Variants in DCC observed in about 807,000 individuals in gnomAD.
DCC encodes netrin receptor DCC.
DCC carries 58 observed loss-of-function variants against 172.5 expected under a neutral mutation model. That is an observed-to-expected ratio of 0.34 (90% confidence interval 0.27 to 0.42). The LOEUF is 0.42. Among genes scored for constraint, DCC ranks in the 10% least tolerant of loss-of-function variants. DCC has a pLI of 1.00. For missense variants in DCC, 1,740 were observed against 1,791.0 expected, an observed-to-expected ratio of 0.97 and a Z score of 0.51; for synonymous variants, 709 against 644.5, an observed-to-expected ratio of 1.10 and a Z score of -1.52.
chr18:53,221,167 A>G (rs528651308), intron 12 of DCC, among the ~76,000 whole-genome samples: 80 of 152,066 alleles, frequency 5.3e-4, no homozygotes, highest in Middle Eastern at 6.8e-3. Context: ...ATTTAATTTA[A>G]TTTTTTAAAT....
chr18:53,495,619 C>T (rs375206050), intron 26 of DCC, among the ~76,000 whole-genome samples: 47 of 152,056 alleles, frequency 3.1e-4, no homozygotes, highest in African/African-American at 1.1e-3. Flanking sequence ...TAGCTGTTCT[C>T]GAGGAGTATC....
intron 7 of DCC, among the ~76,000 whole-genome samples, chr18:53,097,680 C>G (rs2043106499): frequency 6.6e-6 from 1 of 152,090 alleles, no homozygotes; most frequent in South Asian, 2.1e-4. Context: ...CTTATTTGCT[C>G]ACAGTTCTGG....
chr18:53,211,134 C>T (rs553401252), intron 11 of DCC, among the ~76,000 whole-genome samples: 99 of 152,290 alleles, frequency 6.5e-4, no homozygotes, highest in African/African-American at 2.2e-3. Context: ...GACCTGATTT[C>T]ATAGGCAACA....
At chr18:52,577,971 A>G (rs768719797) in intron 1 of DCC, among the ~76,000 whole-genome samples, 7 of 152,196 alleles carry the variant, frequency 4.6e-5, no homozygotes, top group Non-Finnish European at 5.9e-5. Context: ...TGGCTTTGGA[A>G]TGATTTATAT....
At chr18:52,422,020 T>C (rs139107343) in intron 1 of DCC, among the ~76,000 whole-genome samples, 277 of 152,216 alleles carry the variant, frequency 1.8e-3, no homozygotes, top group African/African-American at 6.4e-3. Context: ...AATGTTTTCC[T>C]AACACAGAAT....
intron 2 of DCC, among the ~76,000 whole-genome samples, chr18:52,828,186 G>T (rs1186712839): frequency 6.6e-6 from 1 of 152,124 alleles, no homozygotes; most frequent in Non-Finnish European, 1.5e-5. Context: ...GCAACTCCAA[G>T]ATTGTTTTCT....
chr18:52,502,097 T>G (rs2031044079), intron 1 of DCC, among the ~76,000 whole-genome samples: 1 of 152,186 alleles, frequency 6.6e-6, no homozygotes, highest in African/African-American at 2.4e-5. Flanking sequence ...GCATGCATGA[T>G]TAAAAGACAC....
chr18:53,238,278 C>T (rs1055225922), intron 12 of DCC, among the ~76,000 whole-genome samples: 2 of 152,000 alleles, frequency 1.3e-5, no homozygotes, highest in Admixed American at 6.6e-5. Flanking sequence ...AATCATGACT[C>T]CTAGAATTAT....
intron 8 of DCC, among the ~76,000 whole-genome samples, chr18:53,171,050 A>G (rs2055006655): frequency 6.6e-6 from 1 of 151,950 alleles, no homozygotes. Context: ...ATGCCCGGCT[A>G]ATTTTTGTAT....
chr18:52,435,120 C>A (rs1041609977), intron 1 of DCC, among the ~76,000 whole-genome samples: 2 of 152,164 alleles, frequency 1.3e-5, no homozygotes, highest in South Asian at 2.1e-4. Flanking sequence ...CCCAAAGAGG[C>A]CAGTAAAAAT....
chr18:52,973,387 T>G (rs2041062487), intron 5 of DCC, among the ~76,000 whole-genome samples: 1 of 152,172 alleles, frequency 6.6e-6, no homozygotes, highest in Non-Finnish European at 1.5e-5. Flanking sequence ...AATACGATGC[T>G]CATTTTATAG....
At chr18:53,076,576 AGAGT>A (rs1456530777) in intron 7 of DCC, among the ~76,000 whole-genome samples, 1 of 152,112 alleles carries the variant, frequency 6.6e-6, no homozygotes, top group Non-Finnish European at 1.5e-5. Context: ...CTTTTTCTGT[AGAGT>A]AAGTTATTTG....
intron 5 of DCC, among the ~76,000 whole-genome samples, chr18:52,944,370 C>T (rs1171068469): frequency 6.6e-6 from 1 of 152,140 alleles, no homozygotes. Flanking sequence ...AAGGCAGGAT[C>T]ACTCAGGACC....
intron 9 of DCC, among the ~76,000 whole-genome samples, chr18:53,197,343 G>C (rs1408756473): frequency 1.3e-5 from 2 of 151,540 alleles, no homozygotes; most frequent in African/African-American, 4.9e-5. Flanking sequence ...CTGAATTCAG[G>C]CTATGTGAAT....
intron 1 of DCC, among the ~76,000 whole-genome samples, chr18:52,666,161 T>C (rs2035456161): frequency 1.3e-5 from 2 of 152,026 alleles, no homozygotes; most frequent in Admixed American, 1.3e-4. Flanking sequence ...GGTGTGGTGG[T>C]GTGCACCTGT....
At chr18:53,148,907 A>G (rs1029987193) in intron 7 of DCC, among the ~76,000 whole-genome samples, 1 of 111,552 alleles carries the variant, frequency 9.0e-6, no homozygotes, top group East Asian at 2.5e-4. Context: ...TCTGTTGCCC[A>G]GGCTGGAGTG....
In DCC at chr18:53,302,063, G is replaced by A. The variant is rs147607051; in HGVS notation, c.1912-3515G>A. On this transcript the variant is annotated intron_variant, in intron 12 of 28. Coordinates refer to ENST00000442544, the MANE Select transcript of DCC (RefSeq NM_005215.4). ...GGCTACCTTCTTCTTGTGTCTTCACGTGGTTTTTCTCTGTGCATATCTGTG... is the reference window on the plus strand; with the variant it reads ...GGCTACCTTCTTCTTGTGTCTTCACATGGTTTTTCTCTGTGCATATCTGTG... 3.9e-5 allele frequency among the ~76,000 whole-genome samples: 6 copies of A among 152,254 alleles called. No homozygotes were observed. In the East Asian group the frequency reaches 5.8e-4, roughly 15 times the overall value.
intron 26 of DCC, among the ~76,000 whole-genome samples, chr18:53,488,727 A>T (rs1043644303): frequency 6.6e-6 from 1 of 152,212 alleles, no homozygotes; most frequent in Admixed American, 6.5e-5. Context: ...TGTGGTTAAA[A>T]GTCTCATGTG....
At chr18:53,519,871 T>A (rs2049739341) in intron 27 of DCC, among the ~76,000 whole-genome samples, 1 of 152,130 alleles carries the variant, frequency 6.6e-6, no homozygotes, top group Non-Finnish European at 1.5e-5. Context: ...CATTTTGATA[T>A]CCCAAAGTAA....
Sources: gnomAD v4.1 joint callset for allele counts (sites outside exome capture counted in the v4.1 genomes callset) on GRCh38, gnomAD v4.1.1 for gene constraint, MANE v1.5 for transcripts, NCBI Gene and HGNC (gene_info 2026-07-23, HGNC 2026-07-21) for gene names.